Variants in EFHC1 observed in about 807,000 individuals in gnomAD.
The protein encoded by EFHC1 is EF-hand domain-containing protein 1.
EFHC1 carries 53 observed loss-of-function variants against 69.9 expected under a neutral mutation model. The ratio of observed to expected loss-of-function variants is 0.76; its 90% confidence interval spans 0.61 to 0.95. The LOEUF is 0.95. Ranked by LOEUF, EFHC1 falls within the 40% of genes least tolerant of loss-of-function variation. The pLI is 0.00. For synonymous variants in EFHC1, 256 were observed against 278.4 expected (o/e 0.92, Z 0.80); for missense variants, 739 against 798.7 (o/e 0.93, Z 0.90).
At position 52,452,751 on chromosome 6, in the gene EFHC1, A is replaced by C. The variant is rs201379297; in HGVS notation, c.637A>C (p.Thr213Pro). ...PPEKMALDPY[T>P]ELRKQPLRKY... ...AGAGAAGATGGCTCTTGATCCTTAC[A>C]CTGAACTCCGAAAACAGCCTCTTCG... Residue 213 changes from threonine to proline, a missense_variant, in exon 4 of 11, where the codon ACT becomes CCT. By Grantham distance (38) the Thr-to-Pro change is conservative. Coordinates refer to ENST00000371068, the MANE Select transcript of EFHC1 (RefSeq NM_018100.4). 1 of 1,614,088 alleles carries C rather than the reference A, an allele frequency of 6.2e-7. No individual in the cohort carries two copies. The highest frequency in any genetic ancestry group is 8.5e-7 in the Non-Finnish European group (1 of 1,180,044).
At chr6:52,463,556 T>C (rs1765223508) in intron 5 of EFHC1, among the ~76,000 whole-genome samples, 1 of 152,252 alleles carries the variant, frequency 6.6e-6, no homozygotes, top group Admixed American at 6.5e-5. Context: ...AAAAGGCCAG[T>C]GAAACCAAAG....
At chr6:52,483,401 C>T (rs9357737) in intron 9 of EFHC1, 29,572 of 152,104 alleles carry the variant, frequency 0.19, 3,302 homozygotes, top group Admixed American at 0.34. Flanking sequence ...AGAAAGAATT[C>T]CAGGGAGAGC....
chr6:52,490,470 A>G (rs1765876252), intron 10 of EFHC1, 120 bp downstream of exon 10: 2 of 835,524 alleles, frequency 2.4e-6, no homozygotes, highest in African/African-American at 3.4e-5. Context: ...TTCAGATCAG[A>G]TCTACTATTC....
At chr6:52,469,557 T>G (rs1765389788) in intron 7 of EFHC1, 84 bp downstream of exon 7, 1 of 1,563,872 alleles carries the variant, frequency 6.4e-7, no homozygotes, top group East Asian at 2.2e-5. Flanking sequence ...AGCTGTAGAT[T>G]AACAGCTGTC....
At chr6:52,468,738 G>A (rs1157601071) in intron 6 of EFHC1, 1 of 158,210 alleles carries the variant, frequency 6.3e-6, no homozygotes, top group African/African-American at 2.4e-5. Context: ...TCACTGAGTA[G>A]TGGTTTTGCA....
chr6:52,488,448 T>C (rs1230156574), intron 9 of EFHC1: 1 of 152,186 alleles, frequency 6.6e-6, no homozygotes, highest in Non-Finnish European at 1.5e-5. Flanking sequence ...TAAACAAAAA[T>C]TTTTGAAAAT....
chr6:52,425,778 A>G (rs1429532680), intron 2 of EFHC1, among the ~76,000 whole-genome samples: 1 of 152,198 alleles, frequency 6.6e-6, no homozygotes, highest in Non-Finnish European at 1.5e-5. Context: ...AATTAAATGA[A>G]GGTTCTAATT....
chr6:52,433,163 T>C (rs372194710), intron 2 of EFHC1, among the ~76,000 whole-genome samples: 8 of 152,142 alleles, frequency 5.3e-5, no homozygotes, highest in African/African-American at 1.9e-4. Flanking sequence ...TAACTAACCT[T>C]CTAAATTATT....
At chr6:52,463,830 G>A (rs534260284) in intron 5 of EFHC1, among the ~76,000 whole-genome samples, 1 of 152,310 alleles carries the variant, frequency 6.6e-6, no homozygotes, top group East Asian at 1.9e-4. Flanking sequence ...GTAGGGTTGA[G>A]AATAGACATA....
intron 2 of EFHC1, among the ~76,000 whole-genome samples, chr6:52,425,456 G>T (rs1764282221): frequency 6.6e-6 from 1 of 152,078 alleles, no homozygotes. Flanking sequence ...GATATATGTC[G>T]TAAGAAAGTA....
intron 3 of EFHC1, among the ~76,000 whole-genome samples, chr6:52,450,461 A>G (rs111837113): frequency 0.072 from 10,922 of 152,172 alleles, 788 homozygotes; most frequent in African/African-American, 0.18. Flanking sequence ...GATATCTAAG[A>G]ACTTGCTTTA....
intron 4 of EFHC1, 105 bp from the exon 5 acceptor site, chr6:52,453,990 G>A: frequency 6.3e-7 from 1 of 1,591,128 alleles, no homozygotes; most frequent in South Asian, 1.1e-5. Context: ...TTACTTCATA[G>A]TCTTTCCAGC....
At chr6:52,478,445 T>G (rs1315838303) in intron 7 of EFHC1, among the ~76,000 whole-genome samples, 2 of 152,194 alleles carry the variant, frequency 1.3e-5, no homozygotes, top group Non-Finnish European at 2.9e-5. Flanking sequence ...GAAAAAGTCT[T>G]GTCTACAAGG....
intron 3 of EFHC1, 119 bp downstream of exon 3, chr6:52,438,710 T>G (rs979036137): frequency 7.4e-6 from 8 of 1,077,884 alleles, no homozygotes; most frequent in Non-Finnish European, 1.1e-5. Context: ...CATGAATTAT[T>G]ATGAATGGCT....
Position 52,477,240 on chromosome 6 carries a change from A to G in EFHC1, c.1279-1797A>G, listed in dbSNP as rs191909311. Among the ~76,000 whole-genome samples the G allele has an allele frequency of 2.9e-3, 440 of 152,162 alleles. 6 individuals carry two copies. The highest frequency in any genetic ancestry group is 0.01 in the African/African-American group (421 of 41,502). On this transcript the variant is annotated intron_variant, in intron 7 of 10. Coordinates refer to ENST00000371068, the MANE Select transcript of EFHC1 (RefSeq NM_018100.4). ...ACTATATTGTAGTTGTTTAACATTT[A>G]TATTTTTATTACATGGGTGTACAAT...
intron 5 of EFHC1, among the ~76,000 whole-genome samples, chr6:52,461,107 G>A (rs1398257089): frequency 6.6e-6 from 1 of 152,098 alleles, no homozygotes; most frequent in African/African-American, 2.4e-5. Flanking sequence ...AGGGGTACAT[G>A]TGCAGGTTTG....
chr6:52,489,242 G>A (rs969678239), intron 9 of EFHC1: 8 of 152,202 alleles, frequency 5.3e-5, no homozygotes, highest in Non-Finnish European at 1.2e-4. Flanking sequence ...AGAGGTGACT[G>A]GGCATAATTG....
chr6:52,473,063 G>A (rs1289536919), intron 7 of EFHC1, among the ~76,000 whole-genome samples: 1 of 152,082 alleles, frequency 6.6e-6, no homozygotes, highest in Non-Finnish European at 1.5e-5. Flanking sequence ...TAAGTGGAGA[G>A]GCAAAGCACC....
At chr6:52,443,524 G>A (rs2113984171) in intron 3 of EFHC1, among the ~76,000 whole-genome samples, 1 of 152,236 alleles carries the variant, frequency 6.6e-6, no homozygotes, top group South Asian at 2.1e-4. Flanking sequence ...AGTTTTCCCA[G>A]CACCATTTAT....
Sources: allele counts gnomAD v4.1 joint callset (sites outside exome capture counted in the v4.1 genomes callset), GRCh38; gene constraint gnomAD v4.1.1; transcripts MANE v1.5; gene names NCBI Gene and HGNC (gene_info 2026-07-23, HGNC 2026-07-21).